Variants in SEZ6 observed in about 807,000 individuals in gnomAD.
SEZ6 encodes seizure related 6 homolog.
Under a neutral mutation model 101.0 loss-of-function variants are expected in SEZ6, and 53 were observed. The observed-to-expected ratio is 0.52, with a 90% CI of 0.42 to 0.66. The LOEUF is 0.66. SEZ6 is among the 30% of genes least tolerant of loss of function. The probability of loss-of-function intolerance (pLI) is 0.00; values close to 1 mark genes in which losing one functional copy is unlikely to be tolerated. For missense variants in SEZ6, 1,102 were observed against 1,289.4 expected (o/e 0.85, Z 2.23); for synonymous variants, 488 against 512.2 (o/e 0.95, Z 0.64).
At chr17:28,965,105 A>C (rs959105699) in intron 4 of SEZ6, among the ~76,000 whole-genome samples, 1 of 151,634 alleles carries the variant, frequency 6.6e-6, no homozygotes, top group Non-Finnish European at 1.5e-5. Flanking sequence ...TAATCCCAGC[A>C]CTTTGGGAGG....
chr17:29,005,827 G>A lies in SEZ6; in HGVS notation c.43C>T (p.Leu15Phe), dbSNP rs1365413201. The A allele has an allele frequency of 2.7e-6, 4 of 1,485,910 alleles. No homozygotes were observed. Among genetic ancestry groups the A allele is most frequent in the Admixed American group, 2.1e-5 (1 of 47,024 alleles). 92.0% of individuals were successfully genotyped at this position (1,485,910 alleles called of 1,614,324 possible). ...CGGGGTCCCTTACCGTGAGCCAGGA[G>A]CGCCAGCAGCGAGGGCAGGAGCAGC... ...ALLLLPSLLA[L>F]LAHGLSLEAP... The change falls in exon 1 of 17, where the codon CTC (leucine) becomes TTC (phenylalanine). Residue 15 changes from leucine (L) to phenylalanine (F), a missense_variant. Physicochemically the swap from Leu to Phe is conservative, Grantham distance 22. This residue lies in a region of SEZ6 where 406 missense variants were observed against 418.6 expected (regional missense o/e 0.97). Transcript: ENST00000317338. This position sits in a 1 kb window ranked among gnomAD's most constrained non-coding sequence, Gnocchi z 4.8.
chr17:28,988,942 T>G (rs1323724745), intron 1 of SEZ6, among the ~76,000 whole-genome samples: 8 of 152,200 alleles, frequency 5.3e-5, no homozygotes, highest in Non-Finnish European at 7.3e-5. Context: ...AGTCTGGAGC[T>G]GTCTTTTATC....
chr17:28,955,570 C>T lies in SEZ6; in HGVS notation c.*392G>A. On this transcript the variant is annotated 3_prime_UTR_variant, in exon 17 of 17. Transcript: ENST00000317338. ...CAGTTCCCACCATGGTCAAGTTAAT[C>T]CTGCTGCAGGTTGCCATGCCAGGGC... The T allele has an allele frequency of 2.1e-6, 1 of 472,288 alleles. No homozygotes were observed. The highest frequency in any genetic ancestry group is 1.6e-5 in the South Asian group (1 of 64,282). 29.3% of individuals were successfully genotyped at this position (472,288 alleles called of 1,614,324 possible). A position where few individuals can be genotyped will look rare whatever the true frequency, so the allele number is the denominator to read the frequency against.
intron 3 of SEZ6, among the ~76,000 whole-genome samples, chr17:28,978,999 C>T (rs1443060723): frequency 6.6e-6 from 1 of 152,104 alleles, no homozygotes; most frequent in African/African-American, 2.4e-5. Context: ...ACACCATCCA[C>T]ATTGCACTAT....
At chr17:28,970,622 C>G (rs181962149) in intron 3 of SEZ6, among the ~76,000 whole-genome samples, 1 of 152,170 alleles carries the variant, frequency 6.6e-6, no homozygotes, top group Non-Finnish European at 1.5e-5. Flanking sequence ...AGCTTATCGC[C>G]GTTACTGTGC....
chr17:29,004,151 G>T (rs1255506065), intron 1 of SEZ6, among the ~76,000 whole-genome samples: 1 of 152,160 alleles, frequency 6.6e-6, no homozygotes, highest in Non-Finnish European at 1.5e-5. Flanking sequence ...AGACACACTG[G>T]GACTGGCTCC....
Position 29,001,742 on chromosome 17 carries a change from T to C in SEZ6, c.55+4073A>G, listed in dbSNP as rs527357205. Among the ~76,000 whole-genome samples the C allele has an allele frequency of 3.3e-5, 5 of 152,354 alleles. No homozygotes were observed. In the South Asian group the frequency reaches 1.0e-3, roughly 32 times the overall value. On this transcript the variant is annotated intron_variant, in intron 1 of 16. Transcript: ENST00000317338. ...TTGCCACTTCCTGTTGGAATTGGTC[T>C]TGGAGACCTCCTAGTGCCTGCTTCC...
intron 4 of SEZ6, among the ~76,000 whole-genome samples, chr17:28,966,731 A>G (rs1171688909): frequency 2.0e-5 from 3 of 151,940 alleles, no homozygotes; most frequent in African/African-American, 7.3e-5. Context: ...GAATAGAAAA[A>G]TGGGCCCTCT....
intron 5 of SEZ6, among the ~76,000 whole-genome samples, chr17:28,961,670 A>G (rs900758885): frequency 1.3e-5 from 2 of 152,162 alleles, no homozygotes; most frequent in African/African-American, 4.8e-5. Context: ...GAGAGACTGA[A>G]CAGTTTGCCT....
At chr17:28,977,520 G>A (rs1352323868) in intron 3 of SEZ6, among the ~76,000 whole-genome samples, 2 of 152,182 alleles carry the variant, frequency 1.3e-5, no homozygotes, top group African/African-American at 2.4e-5. Context: ...TTTGCATTCT[G>A]ATAAAAGAAA....
At chr17:28,965,352 C>CA (rs1567986380) in intron 4 of SEZ6, among the ~76,000 whole-genome samples, 1 of 151,684 alleles carries the variant, frequency 6.6e-6, no homozygotes, top group Admixed American at 6.6e-5. Flanking sequence ...GACTTCATCT[C>CA]AAAAAAACAA....
intron 4 of SEZ6, among the ~76,000 whole-genome samples, chr17:28,966,756 TAAAAAG>T (rs112484972): frequency 0.16 from 23,813 of 151,564 alleles, 2,094 homozygotes; most frequent in African/African-American, 0.25. Flanking sequence ...TCCCCCCCAT[TAAAAAG>T]AAAAAGAAAA....
chr17:28,957,919 G>T, intron 11 of SEZ6, 28 bp downstream of exon 11: 1 of 1,596,984 alleles, frequency 6.3e-7, no homozygotes, highest in Non-Finnish European at 8.6e-7. Flanking sequence ...GTGTTGGGAA[G>T]GGGAGCGTGG....
chr17:28,969,841 G>A lies in SEZ6; in HGVS notation c.970C>T (p.Arg324Cys), dbSNP rs771668829. The A allele has an allele frequency of 3.9e-6, 6 of 1,531,934 alleles. No homozygotes were observed. Among genetic ancestry groups the A allele is most frequent in the Non-Finnish European group, 3.5e-6 (4 of 1,149,994 alleles). The allele number at this position is 1,531,934 out of a possible 1,614,324, so 94.9% of individuals were successfully genotyped here. A position where few individuals can be genotyped will look rare whatever the true frequency, so the allele number is the denominator to read the frequency against. ...QSFLLRGQVI[R>C]SPTHQAALRF... The stretch of plus-strand genomic sequence containing the variant: ...AGGGCCGCTTGGTGGGTGGGGCTGC[G>A]GATGACTTGGCCCCGCAGCAGGAAA... Residue 324 changes from arginine to cysteine, a missense_variant, in exon 4 of 17, where the codon CGC (arginine) becomes TGC (cysteine). Arg to Cys is a radical substitution (Grantham distance 180). Transcript: ENST00000317338.
rs140141385 is a variant in SEZ6, at chr17:28,976,277, C to A, written c.858+3403G>T. On this transcript the variant is annotated intron_variant, in intron 3 of 16. Coordinates refer to ENST00000317338, the MANE Select transcript of SEZ6 (RefSeq NM_178860.5). ...ATAGGGCTTTTAGGGATTCTGGTAC[C>A]CCTGAGGCTGGTCCTCCAAAAAAAG... Among the ~76,000 whole-genome samples the A allele has an allele frequency of 5.4e-3, 823 of 152,284 alleles. 3 individuals are homozygous for A. Among genetic ancestry groups the A allele is most frequent in the Middle Eastern group, 0.014 (4 of 294 alleles).
At chr17:28,979,595 C>T (rs1261527086) in intron 3 of SEZ6, 85 bp downstream of exon 3, 2 of 1,578,332 alleles carry the variant, frequency 1.3e-6, no homozygotes, top group African/African-American at 1.3e-5. Context: ...CTAATCATCC[C>T]CACATCCTCT....
At position 29,005,746 on chromosome 17, in the gene SEZ6, G is replaced by T; in HGVS notation, c.55+69C>A. On this transcript the variant is annotated intron_variant, in intron 1 of 16. Coordinates refer to ENST00000317338, the MANE Select transcript of SEZ6 (RefSeq NM_178860.5). The surrounding 1 kb of genome is among the most constrained non-coding windows in gnomAD (Gnocchi z 4.8). ...GCCAGATGCCCGAAGCTGGGCACCG[G>T]GTCTCCCTTCCCACCCCTGGGGCCC... 7.0e-7 allele frequency: 1 copy of T among 1,425,204 alleles called. No homozygotes were observed. Among genetic ancestry groups the T allele is most frequent in the Non-Finnish European group, 9.3e-7 (1 of 1,075,590 alleles). 88.3% of individuals were successfully genotyped at this position (1,425,204 alleles called of 1,614,324 possible).
intron 5 of SEZ6, among the ~76,000 whole-genome samples, chr17:28,961,268 A>G (rs973655659): frequency 2.0e-5 from 3 of 152,018 alleles, no homozygotes; most frequent in Non-Finnish European, 4.4e-5. Flanking sequence ...GTGCCCAGGT[A>G]AGTCACTTTC....
chr17:28,957,612 TCCAGG>T, intron 11 of SEZ6, 73 bp from the exon 12 acceptor site: 2 of 1,491,010 alleles, frequency 1.3e-6, no homozygotes, highest in Non-Finnish European at 1.8e-6. Flanking sequence ...CTGGCTTTGT[TCCAGG>T]CCAGCTAACT....
Sources: gnomAD v4.1 joint callset for allele counts (sites outside exome capture counted in the v4.1 genomes callset) on GRCh38, gnomAD v4.1.1 for gene constraint, gnomAD v4.1.1 regional missense constraint, Gnocchi (gnomAD v3.1) non-coding constraint, MANE v1.5 for transcripts, NCBI Gene and HGNC (gene_info 2026-07-23, HGNC 2026-07-21) for gene names.